The following IVNS1ABP variants were observed in gnomAD, a reference collection of about 807,000 sequenced individuals.
The protein encoded by IVNS1ABP is influenza virus NS1A-binding protein.
A neutral mutation model predicts 78.9 loss-of-function variants in IVNS1ABP; 25 were observed. The observed-to-expected ratio is 0.32, with a 90% CI of 0.23 to 0.44. IVNS1ABP has a LOEUF of 0.44. Ranked by LOEUF, IVNS1ABP falls within the 20% of genes least tolerant of loss-of-function variation. The pLI, the probability that IVNS1ABP is intolerant of heterozygous loss-of-function variation, is 1.00. For synonymous variants in IVNS1ABP, 241 were observed against 259.7 expected (o/e 0.93, Z 0.69); for missense variants, 494 against 768.9 (o/e 0.64, Z 4.23).
Position 185,300,000 on chromosome 1 carries a change from A to C in IVNS1ABP, c.1500T>G (p.Ile500Met). The change falls in exon 13 of 15, where the codon ATT becomes ATG. Residue 500 changes from isoleucine (I) to methionine (M), a missense_variant and splice_region_variant. Physicochemically the swap from Ile to Met is conservative, Grantham distance 10. Transcript: ENST00000367498. ...AAAAAGGAAAAAAAATCAACTTACG[A>C]ATGTTAAGAGGGGCACAGCTTGTCC... is the stretch of plus-strand genomic sequence containing the variant. ...KLWTSCAPLNIRRHQSAVCEL... is the reference protein window; with the variant it reads ...KLWTSCAPLNMRRHQSAVCEL... 6.2e-7 allele frequency: 1 copy of C among 1,607,160 alleles called. No homozygotes were observed. Among genetic ancestry groups the C allele is most frequent in the South Asian group, 1.1e-5 (1 of 89,162 alleles).
At chr1:185,309,244 T>A (rs1665822416) in intron 3 of IVNS1ABP, 72 bp from the exon 4 acceptor site, 1 of 1,233,466 alleles carries the variant, frequency 8.1e-7, no homozygotes, top group South Asian at 1.5e-5. Flanking sequence ...CTATATCAGA[T>A]TCCTTTATCT....
Position 185,305,739 on chromosome 1 carries a change from G to A in IVNS1ABP, c.658-96C>T. On this transcript the variant is annotated intron_variant, in intron 7 of 14. Transcript: ENST00000367498. This position sits in a 1 kb window ranked among gnomAD's most constrained non-coding sequence, Gnocchi z 4.0. ...CAAACGCCTCAAGGTAACCTCCAGT[G>A]TGCTTCTTGAGCTTCTTGACATATT... 7.3e-7 allele frequency: 1 copy of A among 1,376,112 alleles called. No individual in the cohort carries two copies. The highest frequency in any genetic ancestry group is 1.0e-6 in the Non-Finnish European group (1 of 1,002,832). The allele number at this position is 1,376,112 out of a possible 1,614,324, so 85.2% of individuals were successfully genotyped here.
At position 185,298,200 on chromosome 1, in the gene IVNS1ABP, C is replaced by T; in HGVS notation, c.1764G>A (p.Met588Ile). Residue 588 changes from methionine (M) to isoleucine (I), a missense_variant, in exon 15 of 15, where the codon ATG becomes ATA. Met to Ile is a conservative substitution (Grantham distance 10). Transcript: ENST00000367498. This position sits in a 1 kb window ranked among gnomAD's most constrained non-coding sequence, Gnocchi z 4.1. ...TCCTTGGTGAAGTCATATTTCCCATCATCTTCCATTCATTTCTAGTTGGAT... is the reference window on the plus strand; with the variant it reads ...TCCTTGGTGAAGTCATATTTCCCATTATCTTCCATTCATTTCTAGTTGGAT... ...MYDPTRNEWK[M>I]MGNMTSPRSN... 2.5e-6 allele frequency: 4 copies of T among 1,613,784 alleles called. No individual in the cohort carries two copies. The highest frequency in any genetic ancestry group is 3.4e-6 in the Non-Finnish European group (4 of 1,179,814).
chr1:185,309,097 T>C lies in IVNS1ABP; in HGVS notation c.187A>G (p.Ser63Gly). 1 of 1,612,708 alleles carries C rather than the reference T, an allele frequency of 6.2e-7. No homozygotes were observed. Among genetic ancestry groups the C allele is most frequent in the Non-Finnish European group, 8.5e-7 (1 of 1,179,004 alleles). The stretch of plus-strand genomic sequence containing the variant: ...GAAATTCCATGAGGATCACTATCAC[T>C]ATTAAAGATTTCAAATAAATAGGGA... ...CSPYLFEIFN[S>G]DSDPHGISHV... The change falls in exon 4 of 15, where the codon AGT becomes GGT. Residue 63 changes from serine (S) to glycine (G), a missense_variant. Ser to Gly is a moderately conservative substitution (Grantham distance 56, BLOSUM62 0). Coordinates refer to ENST00000367498, the MANE Select transcript of IVNS1ABP (RefSeq NM_006469.5).
Position 185,299,752 on chromosome 1 carries a change from T to C in IVNS1ABP, c.1633A>G (p.Met545Val). Reference sequence around the variant, plus strand: ...CCAGCTCCTCGCCTAGCCACATTCATGGGTGCAATTAAAGTCCAGGTATTA... The same window carrying C: ...CCAGCTCCTCGCCTAGCCACATTCACGGGTGCAATTAAAGTCCAGGTATTA... ...ENNTWTLIAP[M>V]NVARRGAGVA... Residue 545 changes from methionine to valine, a missense_variant, in exon 14 of 15, where the codon ATG becomes GTG. By Grantham distance (21) the Met-to-Val change is conservative (BLOSUM62 1). Transcript: ENST00000367498. 1 of 1,613,738 alleles carries C rather than the reference T, an allele frequency of 6.2e-7. No individual in the cohort carries two copies. The highest frequency in any genetic ancestry group is 8.5e-7 in the Non-Finnish European group (1 of 1,179,770).
chr1:185,306,972 A>C, intron 7 of IVNS1ABP, 42 bp downstream of exon 7: 1 of 1,599,002 alleles, frequency 6.3e-7, no homozygotes, highest in Non-Finnish European at 8.6e-7. Context: ...ATAGCAAAAT[A>C]ATTTTTAAAA....
chr1:185,309,816 G>A lies in IVNS1ABP; in HGVS notation c.-18-305C>T, dbSNP rs188031359. Among the ~76,000 whole-genome samples, 192 of 152,212 alleles carry A rather than the reference G, an allele frequency of 1.3e-3. 1 individual carries two copies. Among genetic ancestry groups the A allele is most frequent in the Middle Eastern group, 3.4e-3 (1 of 294 alleles). On this transcript the variant is annotated intron_variant, in intron 2 of 14. Coordinates refer to ENST00000367498, the MANE Select transcript of IVNS1ABP (RefSeq NM_006469.5). ...TGAAGGGAAGGGAAGGGAAGGAAACGAAACTCCATCCTGCCCAAACCCATA... is the reference window on the plus strand; with the variant it reads ...TGAAGGGAAGGGAAGGGAAGGAAACAAAACTCCATCCTGCCCAAACCCATA...
chr1:185,300,840 C>A, intron 10 of IVNS1ABP, 132 bp downstream of exon 10: 1 of 719,906 alleles, frequency 1.4e-6, no homozygotes, highest in Non-Finnish European at 2.3e-6. Flanking sequence ...TAGCCATATT[C>A]AATAGTATTG....
In IVNS1ABP at chr1:185,307,521, C is replaced by G; in HGVS notation, c.499G>C (p.Glu167Gln). Residue 167 changes from glutamate (E) to glutamine (Q), a missense_variant, in exon 6 of 15, where the codon GAG becomes CAG. By Grantham distance (29) the Glu-to-Gln change is conservative. Coordinates refer to ENST00000367498, the MANE Select transcript of IVNS1ABP (RefSeq NM_006469.5). ...CTTGGAAGCTTAAGAAACTCCTCCT[C>G]TTCAGAAATTTGTAACAAATGCTCC... The part of the protein sequence containing the change: ...IQEHLLQISE[E>Q]EEFLKLPRLK... 1 of 1,613,250 alleles carries G rather than the reference C, an allele frequency of 6.2e-7. No homozygotes were observed. The highest frequency in any genetic ancestry group is 8.5e-7 in the Non-Finnish European group (1 of 1,179,586).
intron 9 of IVNS1ABP, 60 bp from the exon 10 acceptor site, chr1:185,301,256 A>G: frequency 1.3e-6 from 2 of 1,484,564 alleles, no homozygotes; most frequent in Non-Finnish European, 1.9e-6. Context: ...TGTGTATATG[A>G]TCCTGAATTG....
intron 8 of IVNS1ABP, among the ~76,000 whole-genome samples, chr1:185,302,443 A>C (rs1665625675): frequency 6.6e-6 from 1 of 152,168 alleles, no homozygotes; most frequent in South Asian, 2.1e-4. Context: ...AACAGGTAGC[A>C]ACTTCAGCAC....
rs1412938235 is a variant in IVNS1ABP at position 185,297,688 on chromosome 1, T to C, written c.*347A>G. On this transcript the variant is annotated 3_prime_UTR_variant, in exon 15 of 15. Transcript: ENST00000367498. ...TTTAAACCCTACCCCTTTTACCCCATAGTACACATTTGAGGGAAGAGTCAT... is the reference window on the plus strand; with the variant it reads ...TTTAAACCCTACCCCTTTTACCCCACAGTACACATTTGAGGGAAGAGTCAT... 6 of 279,732 alleles carry C rather than the reference T, an allele frequency of 2.1e-5. No individual in the cohort carries two copies. The highest frequency in any genetic ancestry group is 4.4e-5 in the African/African-American group (2 of 45,490). 17.3% of individuals were successfully genotyped at this position (279,732 alleles called of 1,614,324 possible).
chr1:185,300,734 G>C (rs544962462), intron 10 of IVNS1ABP, 176 bp from the exon 11 acceptor site: 2 of 732,884 alleles, frequency 2.7e-6, no homozygotes, highest in East Asian at 5.4e-5. Context: ...CGCATTATCA[G>C]TACAAATAAA....
intron 7 of IVNS1ABP, chr1:185,306,338 T>TAGA: frequency 1.7e-6 from 1 of 586,526 alleles, no homozygotes; most frequent in Non-Finnish European, 2.5e-6. Flanking sequence ...CACCTGCGTG[T>TAGA]TTTCAATTCC....
Position 185,297,944 on chromosome 1 carries a change from T to C in IVNS1ABP, c.*91A>G. 7.8e-7 allele frequency: 1 copy of C among 1,274,256 alleles called. No individual in the cohort carries two copies. Among genetic ancestry groups the C allele is most frequent in the Admixed American group, 2.1e-5 (1 of 48,616 alleles). The allele number at this position is 1,274,256 out of a possible 1,614,324, so 78.9% of individuals were successfully genotyped here. A position where few individuals can be genotyped will look rare whatever the true frequency, so the allele number is the denominator to read the frequency against. ...GCTTTGTGTTGCTGTTAGCAACATC[T>C]ATACCCACCCACCCTCTTTATTCAC... On this transcript the variant is annotated 3_prime_UTR_variant, in exon 15 of 15. Transcript: ENST00000367498.
At position 185,305,685 on chromosome 1, in the gene IVNS1ABP, A is replaced by G; in HGVS notation, c.658-42T>C. 2 of 1,609,070 alleles carry G rather than the reference A, an allele frequency of 1.2e-6. No individual in the cohort carries two copies. The highest frequency in any genetic ancestry group is 8.5e-7 in the Non-Finnish European group (1 of 1,177,382). ...GAACACCCATGTGGCTACGGTCACC[A>G]TGGCTACTCCACTAGTATGCAGATT... On this transcript the variant is annotated intron_variant, in intron 7 of 14. Coordinates refer to ENST00000367498, the MANE Select transcript of IVNS1ABP (RefSeq NM_006469.5). This position sits in a 1 kb window ranked among gnomAD's most constrained non-coding sequence, Gnocchi z 4.0.
rs756338415 is a variant in IVNS1ABP at position 185,299,852 on chromosome 1, A to G, written c.1533T>C (p.Gly511=). The change falls in exon 14 of 15, where the codon GGT becomes GGC. Residue 511 remains glycine (G), a synonymous_variant. Coordinates refer to ENST00000367498, the MANE Select transcript of IVNS1ABP (RefSeq NM_006469.5). ...RRHQSAVCEL[G]GYLYIIGGAE... The stretch of plus-strand genomic sequence containing the variant: ...CACCTCCGATTATGTACAAATAACC[A>G]CCAAGCTCACAGACTGCAGACTGGT... 3.4e-5 allele frequency: 55 copies of G among 1,613,686 alleles called. No individual in the cohort carries two copies. Among genetic ancestry groups the G allele is most frequent in the Non-Finnish European group, 4.2e-5 (50 of 1,179,838 alleles).
chr1:185,297,658 ACATCTTTAAACC>A lies in IVNS1ABP; in HGVS notation c.*365_*376del. The stretch of plus-strand genomic sequence containing the variant: ...GGGCCCTTAAAAAACCCAACTGTCT[ACATCTTTAAACC>A]CTACCCCTTTTACCCCATAGTACAC... On this transcript the variant is annotated 3_prime_UTR_variant, in exon 15 of 15. Transcript: ENST00000367498. 1 of 197,900 alleles carries A rather than the reference ACATCTTTAAACC, an allele frequency of 5.1e-6. No individual in the cohort carries two copies. The highest frequency in any genetic ancestry group is 1.3e-4 in the East Asian group (1 of 7,928). 12.3% of individuals were successfully genotyped at this position (197,900 alleles called of 1,614,324 possible). A position where few individuals can be genotyped will look rare whatever the true frequency, so the allele number is the denominator to read the frequency against.
chr1:185,311,186 G>C lies in IVNS1ABP; in HGVS notation c.-110C>G. On this transcript the variant is annotated 5_prime_UTR_variant, in exon 2 of 15. Transcript: ENST00000367498. ...AAGGTGCACTTCGTCAGGGTATGAAGACAGGTGGTTGAAATGAAGGCAGGT... is the reference window on the plus strand; with the variant it reads ...AAGGTGCACTTCGTCAGGGTATGAACACAGGTGGTTGAAATGAAGGCAGGT... The C allele has an allele frequency of 2.6e-6, 1 of 390,872 alleles. No individual in the cohort carries two copies. Among genetic ancestry groups the C allele is most frequent in the Non-Finnish European group, 4.5e-6 (1 of 220,860 alleles). 24.2% of individuals were successfully genotyped at this position (390,872 alleles called of 1,614,324 possible).
Sources: allele counts gnomAD v4.1 joint callset (sites outside exome capture counted in the v4.1 genomes callset), GRCh38; gene constraint gnomAD v4.1.1; non-coding constraint Gnocchi (gnomAD v3.1); transcripts MANE v1.5; gene names NCBI Gene and HGNC (gene_info 2026-07-23, HGNC 2026-07-21).